WDR7: variants seen among roughly 807,000 people sequenced by gnomAD.
The protein encoded by WDR7 is WD repeat domain 7.
WDR7 carries 46 observed loss-of-function variants against 169.4 expected under a neutral mutation model. The ratio of observed to expected loss-of-function variants is 0.27; its 90% confidence interval spans 0.21 to 0.35. The LOEUF (loss-of-function observed/expected upper bound fraction) is 0.35. Among genes scored for constraint, WDR7 ranks in the 10% least tolerant of loss-of-function variants. WDR7 has a pLI of 1.00. For missense variants in WDR7, 1,534 were observed against 1,859.3 expected (o/e 0.83, Z 3.22); for synonymous variants, 612 against 666.8 (o/e 0.92, Z 1.27).
chr18:56,771,933 A>G (rs2044168452), intron 16 of WDR7, among the ~76,000 whole-genome samples: 1 of 151,518 alleles, frequency 6.6e-6, no homozygotes, highest in African/African-American at 2.4e-5. Flanking sequence ...GATGGTGTGC[A>G]CCTGTAGTCC....
chr18:57,035,248 A>G, the WDR7 span: 1 of 152,308 alleles, frequency 6.6e-6, no homozygotes, highest in African/African-American at 2.4e-5. Flanking sequence ...GTCCTCACCA[A>G]CATGTACCCA....
At chr18:56,745,849 C>T (rs1470899919) in intron 14 of WDR7, among the ~76,000 whole-genome samples, 1 of 152,134 alleles carries the variant, frequency 6.6e-6, no homozygotes, top group Non-Finnish European at 1.5e-5. Flanking sequence ...GTCATTTGCC[C>T]TCCTACTTTG....
At chr18:56,702,558 A>G (rs1449242317) in intron 12 of WDR7, among the ~76,000 whole-genome samples, 1 of 152,168 alleles carries the variant, frequency 6.6e-6, no homozygotes, top group Non-Finnish European at 1.5e-5. Flanking sequence ...ACATGAAACT[A>G]TCCATATTTT....
intron 19 of WDR7, among the ~76,000 whole-genome samples, chr18:56,785,824 CTTTTTCTTTTTTTT>C (rs2044390326): frequency 7.3e-6 from 1 of 137,450 alleles, no homozygotes; most frequent in Non-Finnish European, 1.6e-5. Flanking sequence ...TTCTTTTTTT[CTTTTTCTTTTTTTT>C]TTTTTTTTAA....
intron 12 of WDR7, 103 bp from the exon 13 acceptor site, chr18:56,717,861 T>A: frequency 8.7e-7 from 1 of 1,145,844 alleles, no homozygotes; most frequent in Non-Finnish European, 1.2e-6. Flanking sequence ...GGTTTTTCAG[T>A]GGCAGCAAAT....
intron 14 of WDR7, among the ~76,000 whole-genome samples, chr18:56,754,372 CGTATATAT>C (rs1219895651): frequency 6.9e-6 from 1 of 145,122 alleles, no homozygotes; most frequent in African/African-American, 2.6e-5. Context: ...TATATATACA[CGTATATAT>C]GTGTATATAT....
At chr18:56,836,665 AT>A (rs2045401643) in intron 20 of WDR7, among the ~76,000 whole-genome samples, 1 of 152,106 alleles carries the variant, frequency 6.6e-6, no homozygotes, top group East Asian at 1.9e-4. Context: ...AAAATTATCA[AT>A]AAAAGAAGAT....
At chr18:56,858,013 C>T (rs927138250) in intron 20 of WDR7, among the ~76,000 whole-genome samples, 1 of 152,086 alleles carries the variant, frequency 6.6e-6, no homozygotes, top group African/African-American at 2.4e-5. Context: ...TCATCATTAC[C>T]TATCACCTGA....
intron 15 of WDR7, among the ~76,000 whole-genome samples, chr18:56,757,560 A>G (rs2043912945): frequency 1.3e-5 from 2 of 152,154 alleles, no homozygotes; most frequent in Non-Finnish European, 2.9e-5. Flanking sequence ...TATGATTGGC[A>G]TACTTAGATG....
chr18:56,903,101 T>A (rs531604364), intron 21 of WDR7, among the ~76,000 whole-genome samples: 2 of 152,284 alleles, frequency 1.3e-5, no homozygotes, highest in Non-Finnish European at 2.9e-5. Flanking sequence ...CCTTGGGTGG[T>A]AGTTACTTGC....
intron 20 of WDR7, among the ~76,000 whole-genome samples, chr18:56,876,202 T>C (rs2046019793): frequency 6.6e-6 from 1 of 152,120 alleles, no homozygotes; most frequent in Non-Finnish European, 1.5e-5. Context: ...GCCTTGCTGC[T>C]AATTTCTCGG....
At chr18:56,762,564 T>C (rs571212975) in intron 16 of WDR7, among the ~76,000 whole-genome samples, 43 of 152,230 alleles carry the variant, frequency 2.8e-4, no homozygotes, top group African/African-American at 9.6e-4. Flanking sequence ...GAGATTATAA[T>C]ATTGTCTTTT....
chr18:56,886,501 C>A (rs2046197611), intron 21 of WDR7, among the ~76,000 whole-genome samples: 2 of 152,158 alleles, frequency 1.3e-5, no homozygotes, highest in South Asian at 4.1e-4. Flanking sequence ...GAAACAAATC[C>A]TTGAAATACA....
intron 19 of WDR7, among the ~76,000 whole-genome samples, chr18:56,812,703 A>G (rs1340333092): frequency 2.6e-5 from 4 of 152,130 alleles, no homozygotes; most frequent in Admixed American, 6.5e-5. Context: ...AGAGAACCTG[A>G]AGTTCTGATG....
At chr18:56,751,630 C>A (rs1474976065) in intron 14 of WDR7, among the ~76,000 whole-genome samples, 2 of 152,112 alleles carry the variant, frequency 1.3e-5, no homozygotes, top group East Asian at 3.8e-4. Flanking sequence ...AGCCGTAATA[C>A]CTAGTCTGGT....
intron 16 of WDR7, among the ~76,000 whole-genome samples, chr18:56,776,166 A>C (rs2044240340): frequency 6.6e-6 from 1 of 151,070 alleles, no homozygotes; most frequent in South Asian, 2.1e-4. Context: ...TAGCATAGGG[A>C]GTATTTGTGA....
chr18:56,761,047 A>G (rs117523137), intron 16 of WDR7, among the ~76,000 whole-genome samples: 2,011 of 152,280 alleles, frequency 0.013, 21 homozygotes, highest in East Asian at 0.033. Flanking sequence ...TTTTTCTATT[A>G]GACCCAGGCT....
intron 12 of WDR7, among the ~76,000 whole-genome samples, chr18:56,709,801 A>T (rs1408244737): frequency 1.3e-5 from 2 of 151,966 alleles, no homozygotes; most frequent in African/African-American, 4.8e-5. Context: ...TCAAGTTTGG[A>T]GTTTTTCAGT....
chr18:56,852,591 C>T (rs940744341), intron 20 of WDR7, among the ~76,000 whole-genome samples: 6 of 152,072 alleles, frequency 3.9e-5, no homozygotes, highest in African/African-American at 1.4e-4. Flanking sequence ...AAATATCAAG[C>T]AATTAATGAT....
Sources: allele counts gnomAD v4.1 joint callset (sites outside exome capture counted in the v4.1 genomes callset), GRCh38; gene constraint gnomAD v4.1.1; transcripts MANE v1.5; gene names NCBI Gene and HGNC (gene_info 2026-07-23, HGNC 2026-07-21).